The following GRM8 variants were observed in gnomAD, a reference collection of about 807,000 sequenced individuals.
GRM8 encodes glutamate metabotropic receptor 8.
Under a neutral mutation model 87.2 loss-of-function variants are expected in GRM8, and 47 were observed. That is an observed-to-expected ratio of 0.54 (90% CI 0.43 to 0.69). The LOEUF (loss-of-function observed/expected upper bound fraction) is 0.69, where lower values mean the gene tolerates loss of function less well. Ranked by LOEUF, GRM8 falls within the 30% of genes least tolerant of loss-of-function variation. The pLI is 0.00. For missense variants in GRM8, 1,019 were observed against 1,139.2 expected (o/e 0.89, Z 1.52); for synonymous variants, 396 against 404.5 (o/e 0.98, Z 0.25).
At position 127,024,924 on chromosome 7, in the gene GRM8, T is replaced by C. The variant is rs531507215; in HGVS notation, c.727+81572A>G. Among the ~76,000 whole-genome samples, 4 of 152,216 alleles carry C rather than the reference T, an allele frequency of 2.6e-5. No homozygotes were observed. In the South Asian group the frequency reaches 8.3e-4, roughly 32 times the overall value. On this transcript the variant is annotated intron_variant, in intron 3 of 10. Coordinates refer to ENST00000339582, the MANE Select transcript of GRM8 (RefSeq NM_000845.3). ...ATACGATCTCACCAATTCCATTTTA[T>C]TTCCTTCACTTCCTCCTATGTTTTT...
chr7:127,240,803 G>A (rs1798249452), intron 2 of GRM8, among the ~76,000 whole-genome samples: 1 of 151,964 alleles, frequency 6.6e-6, no homozygotes, highest in African/African-American at 2.4e-5. Context: ...GCACAGAACC[G>A]GGGTAGCTGG....
chr7:126,749,789 A>G (rs1816197908), intron 7 of GRM8, among the ~76,000 whole-genome samples: 1 of 152,070 alleles, frequency 6.6e-6, no homozygotes, highest in Non-Finnish European at 1.5e-5. Context: ...AGTAATGACT[A>G]TACACTCACG....
intron 6 of GRM8, among the ~76,000 whole-genome samples, chr7:126,781,553 T>C (rs1004045281): frequency 6.6e-6 from 1 of 152,148 alleles, no homozygotes. Context: ...AATATAAACA[T>C]AGAAAAGTAA....
At position 127,002,670 on chromosome 7, in the gene GRM8, C is replaced by A. The variant is rs188635540; in HGVS notation, c.728-97987G>T. Reference sequence around the variant, plus strand: ...CCATTGCCTCCTTGACCAGGACAGTCCACTAATACTCAGTCTTCCACCTCC... The same window carrying A: ...CCATTGCCTCCTTGACCAGGACAGTACACTAATACTCAGTCTTCCACCTCC... On this transcript the variant is annotated intron_variant, in intron 3 of 10. Coordinates refer to ENST00000339582, the MANE Select transcript of GRM8 (RefSeq NM_000845.3). Among the ~76,000 whole-genome samples the A allele has an allele frequency of 1.5e-3, 230 of 151,716 alleles. 1 individual carries two copies. Among genetic ancestry groups the A allele is most frequent in the African/African-American group, 5.3e-3 (219 of 41,494 alleles).
chr7:126,746,236 C>T (rs1815660084), intron 7 of GRM8, among the ~76,000 whole-genome samples: 1 of 151,682 alleles, frequency 6.6e-6, no homozygotes, highest in Admixed American at 6.6e-5. Flanking sequence ...ATGGCCATGG[C>T]AATGGAGACA....
intron 8 of GRM8, among the ~76,000 whole-genome samples, chr7:126,582,728 C>T (rs1035171110): frequency 6.6e-6 from 1 of 151,936 alleles, no homozygotes; most frequent in Admixed American, 6.6e-5. Context: ...AACCTAGGGC[C>T]CTTTAGAATT....
At chr7:127,042,154 T>C (rs1818486048) in intron 3 of GRM8, among the ~76,000 whole-genome samples, 1 of 152,246 alleles carries the variant, frequency 6.6e-6, no homozygotes, top group South Asian at 2.1e-4. Context: ...GTTTTAACTT[T>C]GAGAGCCTCA....
In GRM8 at chr7:126,439,148, A is replaced by G. The variant is rs951214039; in HGVS notation, c.2698T>C (p.Tyr900His). The change falls in exon 11 of 11, where the codon TAT (tyrosine) becomes CAT (histidine). Residue 900 changes from tyrosine (Y) to histidine (H), a missense_variant. Transcript: ENST00000339582. ...ATTGAATGATTGCTGTAACTGATAT[A>G]TGTTGTCTTGGTAGAGGAAGCTGTT... ...ETNTSSTKTT[Y>H]ISYSNHSI The G allele has an allele frequency of 5.7e-6, 9 of 1,567,242 alleles. No individual in the cohort carries two copies. In the East Asian group the frequency reaches 2.0e-4, roughly 35 times the overall value.
chr7:127,030,265 GA>G (rs1306382421), intron 3 of GRM8, among the ~76,000 whole-genome samples: 1 of 151,648 alleles, frequency 6.6e-6, no homozygotes, highest in Non-Finnish European at 1.5e-5. Flanking sequence ...GAGGAAAGGG[GA>G]TAGCTCAGCT....
intron 3 of GRM8, among the ~76,000 whole-genome samples, chr7:127,073,554 AC>A (rs1240059334): frequency 6.6e-6 from 1 of 152,202 alleles, no homozygotes; most frequent in East Asian, 1.9e-4. Flanking sequence ...TGGTGTGGGG[AC>A]CTTTATTAGT....
intron 7 of GRM8, among the ~76,000 whole-genome samples, chr7:126,614,805 G>C: frequency 6.6e-6 from 1 of 152,128 alleles, no homozygotes; most frequent in East Asian, 1.9e-4. Context: ...GCAATGAAGC[G>C]AGAACAGAAG....
chr7:126,745,282 A>G (rs1328144663), intron 7 of GRM8, among the ~76,000 whole-genome samples: 1 of 151,734 alleles, frequency 6.6e-6, no homozygotes. Flanking sequence ...TCATTTATTC[A>G]ACATTTTTCA....
chr7:126,450,344 TGA>T (rs749588316), intron 9 of GRM8, among the ~76,000 whole-genome samples: 5 of 151,860 alleles, frequency 3.3e-5, no homozygotes, highest in Non-Finnish European at 5.9e-5. Flanking sequence ...TTATGCCACG[TGA>T]TAAGAAACAG....
chr7:126,579,762 T>C (rs1459822515), intron 8 of GRM8, among the ~76,000 whole-genome samples: 1 of 152,166 alleles, frequency 6.6e-6, no homozygotes, highest in Non-Finnish European at 1.5e-5. Flanking sequence ...CTCATTCACC[T>C]ATGCAAAATT....
chr7:127,060,246 A>T (rs1047070506), intron 3 of GRM8, among the ~76,000 whole-genome samples: 1 of 152,168 alleles, frequency 6.6e-6, no homozygotes, highest in African/African-American at 2.4e-5. Flanking sequence ...CAATTATTTA[A>T]ACTTGATAAA....
chr7:126,544,012 TCTGTGAAGTCTCTC>T (rs1816844504), intron 8 of GRM8, among the ~76,000 whole-genome samples: 1 of 152,222 alleles, frequency 6.6e-6, no homozygotes, highest in African/African-American at 2.4e-5. Context: ...AGATAAGTTT[TCTGTGAAGTCTCTC>T]TTATCTACTT....
chr7:126,900,606 T>C (rs1158304296), intron 6 of GRM8, among the ~76,000 whole-genome samples: 3 of 151,820 alleles, frequency 2.0e-5, no homozygotes, highest in South Asian at 4.2e-4. Flanking sequence ...ACCTCCCGGG[T>C]TCAAGCAATT....
At chr7:126,580,573 T>C (rs1164464821) in intron 8 of GRM8, among the ~76,000 whole-genome samples, 5 of 152,178 alleles carry the variant, frequency 3.3e-5, no homozygotes, top group Non-Finnish European at 7.4e-5. Context: ...TTTCCATTTA[T>C]CGGTATTCCT....
chr7:127,006,238 G>C (rs1297298117), intron 3 of GRM8, among the ~76,000 whole-genome samples: 1 of 151,882 alleles, frequency 6.6e-6, no homozygotes, highest in Admixed American at 6.6e-5. Flanking sequence ...ACAGCGCACT[G>C]AATTCCAGCA....
Sources: gnomAD v4.1 joint callset for allele counts (sites outside exome capture counted in the v4.1 genomes callset) on GRCh38, gnomAD v4.1.1 for gene constraint, MANE v1.5 for transcripts, NCBI Gene and HGNC (gene_info 2026-07-23, HGNC 2026-07-21) for gene names.